FGF13: variants seen among roughly 807,000 people sequenced by gnomAD.
FGF13 encodes the protein fibroblast growth factor homologous factor 2.
FGF13 carries 2 observed loss-of-function variants against 19.5 expected under a neutral mutation model. That is an observed-to-expected ratio of 0.10 (90% confidence interval 0.04 to 0.32). The LOEUF is 0.32. FGF13 is among the 10% of genes least tolerant of loss of function. FGF13 has a pLI of 1.00. For missense variants in FGF13, 113 were observed against 192.7 expected, an observed-to-expected ratio of 0.59 and a Z score of 2.45; for synonymous variants, 72 against 76.9, an observed-to-expected ratio of 0.94 and a Z score of 0.33.
At chrX:139,046,345 G>A (rs201011996) in intron 1 of FGF13, among the ~76,000 whole-genome samples, 3 of 111,385 alleles carry the variant, frequency 2.7e-5, no homozygotes, top group Non-Finnish European at 5.6e-5. Context: ...CTTCCACGAC[G>A]CCCCACCTCC....
intron 3 of FGF13, among the ~76,000 whole-genome samples, chrX:138,804,930 T>C (rs902981830): frequency 3.6e-5 from 4 of 112,202 alleles, no homozygotes; most frequent in African/African-American, 1.3e-4. Flanking sequence ...AGATCCCATC[T>C]TATTTTAAAT....
chrX:139,045,862 C>T (rs55730449), intron 1 of FGF13, among the ~76,000 whole-genome samples: 4,397 of 111,522 alleles, frequency 0.039, 101 homozygotes, highest in Non-Finnish European at 0.063. Context: ...TAACCAGTCT[C>T]GAGGAAGTTC....
At chrX:138,684,133 T>C (rs900432210) in intron 3 of FGF13, among the ~76,000 whole-genome samples, 6 of 111,769 alleles carry the variant, frequency 5.4e-5, no homozygotes, top group African/African-American at 1.9e-4. Flanking sequence ...AAAAATTTAA[T>C]AATGCATGCA....
chrX:138,965,697 A>C, intron 1 of FGF13, among the ~76,000 whole-genome samples: 1 of 110,951 alleles, frequency 9.0e-6, no homozygotes. Flanking sequence ...TTGTTCCAAA[A>C]TTATGAATGT....
At chrX:139,086,965 G>A (rs758648053) in intron 1 of FGF13, among the ~76,000 whole-genome samples, 1 of 112,335 alleles carries the variant, frequency 8.9e-6, no homozygotes, top group East Asian at 2.8e-4. Context: ...GTCATAGAAC[G>A]TCAGAACTGA....
At chrX:138,774,209 G>A (rs1376713940) in intron 3 of FGF13, among the ~76,000 whole-genome samples, 1 of 111,675 alleles carries the variant, frequency 9.0e-6, no homozygotes, top group Non-Finnish European at 1.9e-5. Flanking sequence ...AAGAAAAAAC[G>A]AATAATGAAA....
rs958750609 is a variant in FGF13 at position 138,831,935 on chromosome X, T to C, written c.217+25577A>G. On this transcript the variant is annotated intron_variant, in intron 3 of 6. Transcript: ENST00000436198. ...ATAAGTGAGAACATGCAGTATTTAG[T>C]ATTTGGTTTTCTGCTCCTGTGTTAG... Among the ~76,000 whole-genome samples, 52 of 111,757 alleles carry C rather than the reference T, an allele frequency of 4.7e-4. 1 individual carries two copies. The highest frequency in any genetic ancestry group is 1.7e-3 in the African/African-American group (51 of 30,699).
intron 1 of FGF13, among the ~76,000 whole-genome samples, chrX:138,887,953 T>C (rs997371274): frequency 3.6e-5 from 4 of 112,025 alleles, no homozygotes; most frequent in African/African-American, 1.3e-4. Context: ...AGTTCTCAGC[T>C]CAAAAGGCCC....
At chrX:139,173,057 T>C (rs1417021860) in intron 1 of FGF13, among the ~76,000 whole-genome samples, 2 of 112,218 alleles carry the variant, frequency 1.8e-5, no homozygotes, top group Non-Finnish European at 3.8e-5. Flanking sequence ...CTACAAATTT[T>C]AAAAGTTAAT....
At chrX:138,918,654 C>T (rs762684682) in intron 1 of FGF13, among the ~76,000 whole-genome samples, 33 of 111,683 alleles carry the variant, frequency 3.0e-4, no homozygotes, top group Non-Finnish European at 5.8e-4. Flanking sequence ...ATGCAATCTA[C>T]AGTTGGTTGG....
chrX:138,876,653 C>T (rs1309229345), intron 1 of FGF13, among the ~76,000 whole-genome samples: 2 of 111,944 alleles, frequency 1.8e-5, no homozygotes, highest in African/African-American at 6.5e-5. Context: ...ATGCTGACCT[C>T]CAGAAAAGAG....
intron 1 of FGF13, among the ~76,000 whole-genome samples, chrX:138,891,179 G>A (rs538364062): frequency 4.5e-5 from 5 of 111,723 alleles, no homozygotes; most frequent in South Asian, 7.6e-4. Flanking sequence ...CAGCTACTCC[G>A]GAGGCTGAGG....
At chrX:139,098,346 T>C (rs1766424417) in intron 1 of FGF13, among the ~76,000 whole-genome samples, 1 of 111,447 alleles carries the variant, frequency 9.0e-6, no homozygotes, top group South Asian at 3.8e-4. Context: ...CGAACTACCA[T>C]TTGACCCAGT....
chrX:138,757,409 A>C (rs1006232543), intron 3 of FGF13, among the ~76,000 whole-genome samples: 1 of 111,197 alleles, frequency 9.0e-6, no homozygotes, highest in Non-Finnish European at 1.9e-5. Context: ...GTGAATTCAA[A>C]TCCAGCATGG....
intron 1 of FGF13, among the ~76,000 whole-genome samples, chrX:139,116,610 A>G (rs2083641165): frequency 9.0e-6 from 1 of 111,653 alleles, no homozygotes; most frequent in African/African-American, 3.3e-5. Context: ...TTGTCTTTCC[A>G]TGGAAACACT....
chrX:138,749,111 A>G (rs1231707918), intron 3 of FGF13, among the ~76,000 whole-genome samples: 2 of 111,208 alleles, frequency 1.8e-5, no homozygotes, highest in Non-Finnish European at 3.8e-5. Context: ...GAGAAGTTCT[A>G]TGCTACAGAG....
In FGF13 at chrX:138,766,808, T is replaced by C. The variant is rs768841512; in HGVS notation, c.218-57880A>G. On this transcript the variant is annotated intron_variant, in intron 3 of 6. Coordinates refer to the FGF13 transcript ENST00000436198. ...TCATGTTATAGTTTGAGGTCTTACA[T>C]TTACATCTTTAATCCATTTTGAGTT... Among the ~76,000 whole-genome samples, 3 of 112,311 alleles carry C rather than the reference T, an allele frequency of 2.7e-5. No individual in the cohort carries two copies. In the East Asian group the frequency reaches 8.4e-4, roughly 32 times the overall value.
rs1467784148 is a variant in FGF13 at position 138,618,020 on chromosome X, G to A, written c.*14830C>T. On this transcript the variant is annotated 3_prime_UTR_variant, in exon 5 of 5. Transcript: ENST00000315930. Reference sequence around the variant, plus strand: ...CAATTCCAAAATAAACTTTATTCAAGGAAAAAAATAATTAAAATATGCATT... The same window carrying A: ...CAATTCCAAAATAAACTTTATTCAAAGAAAAAAATAATTAAAATATGCATT... 1 of 111,004 alleles carries A rather than the reference G, an allele frequency of 9.0e-6. No homozygotes were observed. The highest frequency in any genetic ancestry group is 3.3e-5 in the African/African-American group (1 of 30,464). 9.1% of individuals were successfully genotyped at this position (111,004 alleles called of 1,213,427 possible).
chrX:138,782,044 C>A (rs1016208827), intron 3 of FGF13, among the ~76,000 whole-genome samples: 2 of 111,613 alleles, frequency 1.8e-5, no homozygotes, highest in African/African-American at 6.5e-5. Flanking sequence ...ATAAACAGAA[C>A]CAAAGACAAA....
Sources: allele counts gnomAD v4.1 joint callset (sites outside exome capture counted in the v4.1 genomes callset), GRCh38; gene constraint gnomAD v4.1.1; transcripts MANE v1.5; gene names NCBI Gene and HGNC (gene_info 2026-07-23, HGNC 2026-07-21).